The following FBXL17 variants were observed in gnomAD, a reference collection of about 807,000 sequenced individuals.
FBXL17 encodes F-box and leucine rich repeat protein 17.
Under a neutral mutation model 66.2 loss-of-function variants are expected in FBXL17, and 22 were observed. The observed-to-expected ratio is 0.33, with a 90% confidence interval of 0.24 to 0.47. The LOEUF (loss-of-function observed/expected upper bound fraction) is 0.47, where lower values mean the gene tolerates loss of function less well. Among genes scored for constraint, FBXL17 ranks in the 20% least tolerant of loss-of-function variants. FBXL17 has a pLI of 1.00. For synonymous variants in FBXL17, 474 were observed against 400.5 expected, an observed-to-expected ratio of 1.18 and a Z score of -2.19; for missense variants, 878 against 948.2, an observed-to-expected ratio of 0.93 and a Z score of 0.97.
At chr5:108,110,505 G>T (rs1749988289) in intron 6 of FBXL17, among the ~76,000 whole-genome samples, 1 of 151,956 alleles carries the variant, frequency 6.6e-6, no homozygotes, top group African/African-American at 2.4e-5. Context: ...TTAATTAATG[G>T]GCTCTTTTTA....
intron 5 of FBXL17, among the ~76,000 whole-genome samples, chr5:108,205,160 G>A (rs146587046): frequency 6.6e-6 from 1 of 151,878 alleles, no homozygotes; most frequent in African/African-American, 2.4e-5. Flanking sequence ...CCATCCTCCC[G>A]CTTCAGCATG....
intron 4 of FBXL17, among the ~76,000 whole-genome samples, chr5:108,277,847 T>G (rs932835824): frequency 2.0e-5 from 3 of 152,206 alleles, no homozygotes; most frequent in Non-Finnish European, 4.4e-5. Context: ...TTCTATTAAG[T>G]GTGAAATACT....
chr5:107,883,827 A>T (rs1306092082), intron 7 of FBXL17, among the ~76,000 whole-genome samples: 2 of 152,168 alleles, frequency 1.3e-5, no homozygotes, highest in East Asian at 3.9e-4. Flanking sequence ...CGCTTCAGGG[A>T]AATGTGGATA....
At chr5:108,059,298 G>A (rs1380300287) in intron 6 of FBXL17, among the ~76,000 whole-genome samples, 1 of 152,144 alleles carries the variant, frequency 6.6e-6, no homozygotes, top group African/African-American at 2.4e-5. Context: ...GTTCCAAGGA[G>A]GATAAGACTA....
In FBXL17 at chr5:108,186,139, G is replaced by A. The variant is rs779831329; in HGVS notation, c.1723C>T (p.Leu575=). ...CKNLSSLNLC[L]NWIINDRCVE... ...TACCTGTCATTTATGATCCAGTTCA[G>A]ACAGAGATTGAGAGAGCTAAGATTT... The change falls in exon 6 of 9, where the codon CTG becomes TTG. Residue 575 remains leucine, a synonymous_variant. Transcript: ENST00000542267. 2 of 1,611,904 alleles carry A rather than the reference G, an allele frequency of 1.2e-6. No homozygotes were observed. Among genetic ancestry groups the A allele is most frequent in the South Asian group, 2.2e-5 (2 of 91,002 alleles).
In FBXL17 at chr5:108,043,349, T is replaced by A. The variant is rs984967805; in HGVS notation, c.1746-22348A>T. Reference sequence around the variant, plus strand: ...CCCCCCTAGGTTTCTTTCTACAAGTTTTATAGTTTTATGTTTTACATTTAA... The same window carrying A: ...CCCCCCTAGGTTTCTTTCTACAAGTATTATAGTTTTATGTTTTACATTTAA... On this transcript the variant is annotated intron_variant, in intron 6 of 8. Coordinates refer to ENST00000542267, the MANE Select transcript of FBXL17 (RefSeq NM_001163315.3). Among the ~76,000 whole-genome samples, 5 of 152,156 alleles carry A rather than the reference T, an allele frequency of 3.3e-5. No homozygotes were observed. The South Asian group carries it at 1.0e-3, about 31-fold the overall frequency.
intron 6 of FBXL17, among the ~76,000 whole-genome samples, chr5:108,090,747 C>A (rs912357317): frequency 3.9e-5 from 6 of 152,112 alleles, no homozygotes; most frequent in Non-Finnish European, 5.9e-5. Context: ...GTGGGCCATA[C>A]AAAAACAGGC....
intron 5 of FBXL17, among the ~76,000 whole-genome samples, chr5:108,189,504 G>GA (rs1753379583): frequency 1.3e-5 from 2 of 152,086 alleles, no homozygotes; most frequent in East Asian, 3.9e-4. Context: ...GACCCTGAGA[G>GA]AAACACAGTG....
At chr5:107,950,387 GTTA>G (rs1375008829) in intron 7 of FBXL17, among the ~76,000 whole-genome samples, 1 of 152,152 alleles carries the variant, frequency 6.6e-6, no homozygotes, top group African/African-American at 2.4e-5. Flanking sequence ...TTAATTGGAA[GTTA>G]TTAACACTGT....
chr5:107,988,899 C>T (rs1258510908), intron 7 of FBXL17, among the ~76,000 whole-genome samples: 1 of 152,046 alleles, frequency 6.6e-6, no homozygotes, highest in African/African-American at 2.4e-5. Flanking sequence ...AAGAAGCCAA[C>T]TCTTAATTGT....
At chr5:107,895,239 C>A (rs1219802055) in intron 7 of FBXL17, among the ~76,000 whole-genome samples, 1 of 151,910 alleles carries the variant, frequency 6.6e-6, no homozygotes, top group African/African-American at 2.4e-5. Context: ...ATCATATATT[C>A]CCTAAGTTCT....
At chr5:108,086,560 CTTTGTT>C (rs1748977667) in intron 6 of FBXL17, among the ~76,000 whole-genome samples, 1 of 151,854 alleles carries the variant, frequency 6.6e-6, no homozygotes, top group Admixed American at 6.6e-5. Context: ...CTGTGACTGT[CTTTGTT>C]TTTGTTTTTT....
intron 6 of FBXL17, among the ~76,000 whole-genome samples, chr5:108,075,776 C>T (rs543228694): frequency 1.9e-4 from 29 of 152,318 alleles, no homozygotes; most frequent in African/African-American, 7.0e-4. Flanking sequence ...CGCATCTGAC[C>T]CCAACTGTCC....
At chr5:108,300,284 T>G (rs1377068005) in intron 4 of FBXL17, among the ~76,000 whole-genome samples, 3 of 151,982 alleles carry the variant, frequency 2.0e-5, no homozygotes, top group African/African-American at 7.2e-5. Flanking sequence ...TTCAACTATG[T>G]CAAAGATCTA....
rs906513705 is a variant in FBXL17 at position 108,035,613 on chromosome 5, C to T, written c.1746-14612G>A. On this transcript the variant is annotated intron_variant, in intron 6 of 8. Transcript: ENST00000542267. The stretch of plus-strand genomic sequence containing the variant: ...AACTCCCAACCTCAGGTGATCCACC[C>T]GCCTCGGCCTCCCAAAGTGCTAGGA... 6.6e-5 allele frequency among the ~76,000 whole-genome samples: 10 copies of T among 152,156 alleles called. No individual in the cohort carries two copies. In the East Asian group the frequency reaches 7.8e-4, roughly 12 times the overall value.
rs368662545 is a variant in FBXL17 at position 108,047,373 on chromosome 5, C to T, written c.1746-26372G>A. Among the ~76,000 whole-genome samples the T allele has an allele frequency of 3.5e-4, 53 of 152,320 alleles. No individual in the cohort carries two copies. In the South Asian group the frequency reaches 7.2e-3, roughly 21 times the overall value. On this transcript the variant is annotated intron_variant, in intron 6 of 8. Coordinates refer to ENST00000542267, the MANE Select transcript of FBXL17 (RefSeq NM_001163315.3). ...ACCTAGGGTCCCAACCCCAGAGTGA[C>T]GCAGATTCTCAACAGCCTCTCAGCT...
intron 4 of FBXL17, among the ~76,000 whole-genome samples, chr5:108,242,050 T>A (rs1755875216): frequency 6.6e-6 from 1 of 152,176 alleles, no homozygotes; most frequent in Admixed American, 6.5e-5. Flanking sequence ...AAGAAGGATG[T>A]TAATGAGCAA....
At chr5:108,288,349 A>G (rs998596867) in intron 4 of FBXL17, among the ~76,000 whole-genome samples, 1 of 151,994 alleles carries the variant, frequency 6.6e-6, no homozygotes. Flanking sequence ...ACACAGAGAC[A>G]TGAAATTAGC....
chr5:108,110,599 T>A (rs777564304), intron 6 of FBXL17, among the ~76,000 whole-genome samples: 20 of 152,184 alleles, frequency 1.3e-4, no homozygotes, highest in Non-Finnish European at 2.8e-4. Flanking sequence ...GGCACAAGAT[T>A]AAATGATTTC....
Sources: gnomAD v4.1 joint callset for allele counts (sites outside exome capture counted in the v4.1 genomes callset) on GRCh38, gnomAD v4.1.1 for gene constraint, MANE v1.5 for transcripts, NCBI Gene and HGNC (gene_info 2026-07-23, HGNC 2026-07-21) for gene names.